The following RALGDS variants were observed in gnomAD, a reference collection of about 807,000 sequenced individuals.
The protein encoded by RALGDS is ral guanine nucleotide dissociation stimulator, also known as ral guanine nucleotide exchange factor.
RALGDS carries 44 observed loss-of-function variants against 99.8 expected under a neutral mutation model. The ratio of observed to expected loss-of-function variants is 0.44; its 90% CI spans 0.35 to 0.57. RALGDS has a LOEUF of 0.57. RALGDS is among the 20% of genes least tolerant of loss of function. The probability of loss-of-function intolerance (pLI) is 0.01; values close to 1 mark genes in which losing one functional copy is unlikely to be tolerated. For missense variants in RALGDS, 1,022 were observed against 1,203.1 expected, an observed-to-expected ratio of 0.85 and a Z score of 2.23; for synonymous variants, 529 against 505.0, an observed-to-expected ratio of 1.05 and a Z score of -0.64.
intron 8 of RALGDS, 70 bp downstream of exon 8, chr9:133,106,571 GCTCA>G (rs1258109800): frequency 7.6e-6 from 9 of 1,190,896 alleles, no homozygotes; most frequent in East Asian, 2.6e-5. Flanking sequence ...CCTCCCATGG[GCTCA>G]CTAAGGGGGT....
At chr9:133,130,074 C>T (rs1832287979) in intron 1 of RALGDS, among the ~76,000 whole-genome samples, 1 of 151,980 alleles carries the variant, frequency 6.6e-6, no homozygotes, top group African/African-American at 2.4e-5. Flanking sequence ...CGGGTTCAAG[C>T]GATTCTCCTG....
intron 16 of RALGDS, chr9:133,100,604 A>AG (rs1830711036): frequency 1.4e-6 from 2 of 1,426,628 alleles, no homozygotes; most frequent in Non-Finnish European, 1.8e-6. Flanking sequence ...TGGAATGAGG[A>AG]GGGGTCTGTC....
intron 1 of RALGDS, among the ~76,000 whole-genome samples, chr9:133,117,088 G>A (rs1040620230): frequency 2.0e-5 from 3 of 152,184 alleles, no homozygotes; most frequent in African/African-American, 7.2e-5. Context: ...AAGGTGCCAG[G>A]TGACGCACCC....
At position 133,105,975 on chromosome 9, in the gene RALGDS, GAGA is replaced by G. The variant is rs1831032750; in HGVS notation, c.1556_1558del (p.Phe519del). On this transcript the variant is annotated inframe_deletion, in exon 9 of 18. Transcript: ENST00000372050. ...GCTCAATGAGTAGTTGTTCTCATCT[GAGA>G]AGATCTCTGACAGCTTCTGAAAGAT... is the stretch of plus-strand genomic sequence containing the variant. 3 of 1,607,136 alleles carry G rather than the reference GAGA, an allele frequency of 1.9e-6. No homozygotes were observed. Among genetic ancestry groups the G allele is most frequent in the Non-Finnish European group, 2.5e-6 (3 of 1,177,834 alleles).
chr9:133,114,336 C>T (rs994556129), intron 1 of RALGDS, among the ~76,000 whole-genome samples: 1 of 152,320 alleles, frequency 6.6e-6, no homozygotes, highest in East Asian at 1.9e-4. Context: ...CATAGAGCTA[C>T]GTGGAGTACA....
chr9:133,114,637 G>A (rs1831507864), intron 1 of RALGDS, among the ~76,000 whole-genome samples: 1 of 152,186 alleles, frequency 6.6e-6, no homozygotes, highest in South Asian at 2.1e-4. Flanking sequence ...AGAGCGGGAG[G>A]AGCAGGAACG....
chr9:133,105,647 G>C (rs1206313787), intron 9 of RALGDS, among the ~76,000 whole-genome samples: 1 of 152,114 alleles, frequency 6.6e-6, no homozygotes, highest in Non-Finnish European at 1.5e-5. Context: ...CCAGAGGCCT[G>C]CTGGTCCTGA....
intron 12 of RALGDS, 112 bp from the exon 13 acceptor site, chr9:133,103,012 C>T: frequency 1.3e-6 from 2 of 1,505,674 alleles, no homozygotes; most frequent in Non-Finnish European, 1.8e-6. Context: ...CCCATCCAGG[C>T]CTTCCTGTTC....
chr9:133,142,011 C>G (rs1352803830), intron 1 of RALGDS, among the ~76,000 whole-genome samples: 1 of 152,244 alleles, frequency 6.6e-6, no homozygotes, highest in Non-Finnish European at 1.5e-5. Flanking sequence ...CACACTCTGG[C>G]TGGCACCGAG....
At chr9:133,148,194 C>T (rs1369022803) in intron 1 of RALGDS, among the ~76,000 whole-genome samples, 2 of 152,234 alleles carry the variant, frequency 1.3e-5, no homozygotes, top group Non-Finnish European at 2.9e-5. Flanking sequence ...TGGAGTCACC[C>T]AGGCCAAACA....
intron 1 of RALGDS, among the ~76,000 whole-genome samples, chr9:133,137,228 G>A (rs1336298631): frequency 2.6e-5 from 4 of 152,222 alleles, no homozygotes; most frequent in Non-Finnish European, 4.4e-5. Flanking sequence ...GCAAGACTCC[G>A]TCTCAAAACA....
In RALGDS at chr9:133,115,026, G is replaced by A. The variant is rs183728170; in HGVS notation, c.184-2874C>T. 7.3e-3 allele frequency among the ~76,000 whole-genome samples: 1,109 copies of A among 152,298 alleles called. 17 individuals are homozygous for A. Among genetic ancestry groups the A allele is most frequent in the African/African-American group, 0.025 (1,048 of 41,554 alleles). ...GTGTCACCTGATCAGCCTTCTCAGA[G>A]TGACAGGCCAGCAGGATGCCGTGTC... On this transcript the variant is annotated intron_variant, in intron 1 of 17. Coordinates refer to ENST00000372050, the MANE Select transcript of RALGDS (RefSeq NM_006266.4).
chr9:133,108,066 G>A lies in RALGDS; in HGVS notation c.1119C>T (p.Asn373=), dbSNP rs34054856. Residue 373 remains asparagine (N), a synonymous_variant, in exon 6 of 18, where the codon AAC becomes AAT. Transcript: ENST00000372050. ...GGTGAGGCTTCTCCTCACTCAGCCCGTTCTCTGCAACCACAGGTGAAGGCC... is the reference window on the plus strand; with the variant it reads ...GGTGAGGCTTCTCCTCACTCAGCCCATTCTCTGCAACCACAGGTGAAGGCC... The part of the protein sequence containing the change: ...PSWPSPVVAE[N]GLSEEKPHLL... 2,760 of 1,613,676 alleles carry A rather than the reference G, an allele frequency of 1.7e-3. 33 individuals are homozygous for A. In the African/African-American group the frequency reaches 0.028, roughly 16 times the overall value.
upstream of RALGDS, among the ~76,000 whole-genome samples, chr9:133,124,222 G>GCA (rs576086293): frequency 0.018 from 2,004 of 112,526 alleles, 36 homozygotes; most frequent in African/African-American, 0.062. Context: ...AGAGACACAG[G>GCA]CACACACACA....
At chr9:133,130,971 G>T in exon 1 of RALGDS, 2 of 1,535,578 alleles carry the variant, frequency 1.3e-6, no homozygotes, top group Non-Finnish European at 1.7e-6. Flanking sequence ...AACCTGGCCG[G>T]GTGGATGCCC....
At chr9:133,121,316 G>T, upstream of RALGDS, 1 of 704,508 alleles carries the variant, frequency 1.4e-6, no homozygotes, top group Non-Finnish European at 1.7e-6. Context: ...GGCCGGGGAG[G>T]GGCGGAACCG....
intron 1 of RALGDS, among the ~76,000 whole-genome samples, chr9:133,147,426 G>A (rs1202572409): frequency 6.6e-6 from 1 of 152,130 alleles, no homozygotes; most frequent in Non-Finnish European, 1.5e-5. Context: ...TGGAGGGCAG[G>A]CCCCCCTGGG....
intron 1 of RALGDS, among the ~76,000 whole-genome samples, chr9:133,127,975 G>C (rs1270414306): frequency 6.6e-6 from 1 of 152,236 alleles, no homozygotes; most frequent in Admixed American, 6.5e-5. Flanking sequence ...GGGGCTCGCT[G>C]TGGGGCCCTG....
intron 1 of RALGDS, among the ~76,000 whole-genome samples, chr9:133,142,935 T>C (rs1832549134): frequency 6.6e-6 from 1 of 152,198 alleles, no homozygotes; most frequent in South Asian, 2.1e-4. Flanking sequence ...GGAGGCGCCA[T>C]TGCCAAGCTG....
Sources: gnomAD v4.1 joint callset for allele counts (sites outside exome capture counted in the v4.1 genomes callset) on GRCh38, gnomAD v4.1.1 for gene constraint, MANE v1.5 for transcripts, NCBI Gene and HGNC (gene_info 2026-07-23, HGNC 2026-07-21) for gene names.